AGBL1: variants seen among roughly 807,000 people sequenced by gnomAD.
AGBL1 encodes cytosolic carboxypeptidase 4.
AGBL1 carries 130 observed loss-of-function variants against 118.9 expected under a neutral mutation model. The ratio of observed to expected loss-of-function variants is 1.09; its 90% confidence interval spans 0.95 to 1.26. AGBL1 has a LOEUF of 1.26. Among genes scored for constraint, AGBL1 ranks in the 50% most tolerant of loss-of-function variants. The pLI is 0.00. For missense variants in AGBL1, 1,584 were observed against 1,298.1 expected (o/e 1.22, Z -3.38); for synonymous variants, 555 against 478.9 (o/e 1.16, Z -2.08).
chr15:86,807,218 C>T (rs887643769), intron 22 of AGBL1, among the ~76,000 whole-genome samples: 1 of 152,154 alleles, frequency 6.6e-6, no homozygotes, highest in African/African-American at 2.4e-5. Flanking sequence ...ATAGTGAGCA[C>T]TTTAGCCTTG....
At chr15:86,672,109 A>T (rs1034064808) in intron 21 of AGBL1, among the ~76,000 whole-genome samples, 1 of 152,198 alleles carries the variant, frequency 6.6e-6, no homozygotes, top group Admixed American at 6.5e-5. Context: ...TATGTTTTAT[A>T]CTGTGTGAGA....
chr15:86,578,722 A>C (rs550789598), intron 21 of AGBL1, among the ~76,000 whole-genome samples: 1 of 149,074 alleles, frequency 6.7e-6, no homozygotes, highest in Admixed American at 6.7e-5. Flanking sequence ...TGGTTATTAT[A>C]AGGGGGTGTC....
rs2080359017 is a variant in AGBL1, at chr15:86,912,034, T to C, written c.*4740T>C. On this transcript the variant is annotated 3_prime_UTR_variant, in exon 23 of 23. Transcript: ENST00000614907. The stretch of plus-strand genomic sequence containing the variant: ...CATTGCAGGTGTTCAAAAATGTGTC[T>C]TCCCCTCAGCTTCAAACTCAGACAT... 1 of 152,202 alleles carries C rather than the reference T, an allele frequency of 6.6e-6. No individual in the cohort carries two copies. Among genetic ancestry groups the C allele is most frequent in the Non-Finnish European group, 1.5e-5 (1 of 68,044 alleles). 9.4% of individuals were successfully genotyped at this position (152,202 alleles called of 1,614,324 possible).
intron 24 of AGBL1, among the ~76,000 whole-genome samples, chr15:87,026,894 C>T (rs767708970): frequency 7.2e-5 from 11 of 151,932 alleles, no homozygotes; most frequent in Non-Finnish European, 1.5e-4. Context: ...GAATGGAAAA[C>T]CAAACATTGT....
intron 17 of AGBL1, among the ~76,000 whole-genome samples, chr15:86,381,895 C>A (rs1421590220): frequency 6.6e-6 from 1 of 152,108 alleles, no homozygotes; most frequent in Non-Finnish European, 1.5e-5. Context: ...CCTTGTGCCT[C>A]AATAAGAAGT....
chr15:86,642,500 C>A (rs546402977), intron 21 of AGBL1, among the ~76,000 whole-genome samples: 1 of 151,624 alleles, frequency 6.6e-6, no homozygotes, highest in East Asian at 1.9e-4. Context: ...ACAGTGAATT[C>A]TTTTAAAAAA....
At chr15:86,097,360 C>T (rs767617708) in intron 1 of AGBL1, among the ~76,000 whole-genome samples, 13 of 152,058 alleles carry the variant, frequency 8.5e-5, no homozygotes, top group Non-Finnish European at 1.6e-4. Flanking sequence ...ATATACAATA[C>T]ATTGTTGTTA....
chr15:86,300,259 G>A (rs1039801075), intron 17 of AGBL1, among the ~76,000 whole-genome samples: 5 of 152,012 alleles, frequency 3.3e-5, no homozygotes, highest in East Asian at 3.9e-4. Flanking sequence ...TCACAACCTC[G>A]CATTCTAAAT....
chr15:86,904,142 C>G (rs1171292744), intron 22 of AGBL1, among the ~76,000 whole-genome samples: 1 of 152,168 alleles, frequency 6.6e-6, no homozygotes, highest in African/African-American at 2.4e-5. Context: ...CTAGAGGAAA[C>G]AAGCTCTTGT....
chr15:86,717,875 C>T (rs528659160), intron 22 of AGBL1, among the ~76,000 whole-genome samples: 1 of 151,998 alleles, frequency 6.6e-6, no homozygotes, highest in Non-Finnish European at 1.5e-5. Context: ...GTTAGGAGTT[C>T]GAGACCAGCC....
At chr15:86,189,952 A>G (rs1201735723) in intron 5 of AGBL1, among the ~76,000 whole-genome samples, 1 of 152,202 alleles carries the variant, frequency 6.6e-6, no homozygotes, top group Non-Finnish European at 1.5e-5. Context: ...AAGACAAAGT[A>G]ATGTTACATT....
At chr15:86,920,660 A>G (rs750740513), downstream of AGBL1, among the ~76,000 whole-genome samples, 2 of 152,212 alleles carry the variant, frequency 1.3e-5, no homozygotes, top group Admixed American at 1.3e-4. Flanking sequence ...AATAACATGA[A>G]TCTTCATGAC....
intron 21 of AGBL1, among the ~76,000 whole-genome samples, chr15:86,583,174 A>G (rs766843227): frequency 3.9e-4 from 59 of 152,032 alleles, no homozygotes; most frequent in Non-Finnish European, 8.2e-4. Context: ...TTCAACTTTT[A>G]TGTTAGAGTC....
chr15:86,974,708 G>C (rs1164220830), intron 23 of AGBL1, among the ~76,000 whole-genome samples: 1 of 150,730 alleles, frequency 6.6e-6, no homozygotes, highest in Non-Finnish European at 1.5e-5. Context: ...GATCAGAACA[G>C]AGAGGACATG....
intron 9 of AGBL1, chr15:86,262,503 A>T (rs982159359): frequency 2.3e-6 from 1 of 439,116 alleles, no homozygotes. Context: ...TGCTTTATCA[A>T]TTATGTAGTT....
At chr15:86,583,362 G>A (rs1019450578) in intron 21 of AGBL1, among the ~76,000 whole-genome samples, 1 of 151,942 alleles carries the variant, frequency 6.6e-6, no homozygotes, top group Admixed American at 6.6e-5. Context: ...TCTCTCCAGT[G>A]TCTATTATTG....
chr15:87,028,409 A>T (rs1457117201), intron 24 of AGBL1, among the ~76,000 whole-genome samples: 4 of 151,974 alleles, frequency 2.6e-5, no homozygotes, highest in Admixed American at 6.6e-5. Flanking sequence ...TCAAGTGGCC[A>T]ATTTCATATA....
intron 24 of AGBL1, among the ~76,000 whole-genome samples, chr15:87,027,655 GGAGA>G (rs1291781993): frequency 6.6e-6 from 1 of 151,948 alleles, no homozygotes; most frequent in Non-Finnish European, 1.5e-5. Flanking sequence ...ATGATAGACT[GGAGA>G]AAGAAAATGT....
chr15:86,937,742 C>A (rs964050660), intron 23 of AGBL1, among the ~76,000 whole-genome samples: 2 of 152,112 alleles, frequency 1.3e-5, no homozygotes, highest in Admixed American at 6.6e-5. Flanking sequence ...TACAACAAAC[C>A]CCCATGACAT....
Sources: gnomAD v4.1 joint callset for allele counts (sites outside exome capture counted in the v4.1 genomes callset) on GRCh38, gnomAD v4.1.1 for gene constraint, MANE v1.5 for transcripts, NCBI Gene and HGNC (gene_info 2026-07-23, HGNC 2026-07-21) for gene names.